The following HSPB8 variants were observed in gnomAD, a reference collection of about 807,000 sequenced individuals.
The protein encoded by HSPB8 is heat shock protein family B (small) member 8.
HSPB8 carries 9 observed loss-of-function variants against 16.5 expected under a neutral mutation model. The observed-to-expected ratio is 0.55, with a 90% CI of 0.33 to 0.95. The LOEUF is 0.95. Among genes scored for constraint, HSPB8 ranks in the 40% least tolerant of loss-of-function variants. The pLI, the probability that HSPB8 is intolerant of heterozygous loss-of-function variation, is 0.03. For missense variants in HSPB8, 238 were observed against 251.2 expected (o/e 0.95, Z 0.35); for synonymous variants, 99 against 94.8 (o/e 1.04, Z -0.26).
intron 2 of HSPB8, among the ~76,000 whole-genome samples, chr12:119,189,341 G>GTGTT (rs1491208967): frequency 6.9e-6 from 1 of 145,746 alleles, no homozygotes; most frequent in African/African-American, 2.5e-5. Context: ...GTGTGTGTGT[G>GTGTT]TATTTCACAT....
intron 2 of HSPB8, among the ~76,000 whole-genome samples, chr12:119,189,902 C>T (rs974917092): frequency 6.6e-6 from 1 of 152,222 alleles, no homozygotes; most frequent in African/African-American, 2.4e-5. Flanking sequence ...GACCCTCCTC[C>T]ATCACTATGA....
chr12:119,193,904 T>A lies in HSPB8; in HGVS notation c.*46T>A, dbSNP rs754501870. The A allele has an allele frequency of 3.1e-6, 5 of 1,591,372 alleles. No individual in the cohort carries two copies. Among genetic ancestry groups the A allele is most frequent in the Non-Finnish European group, 4.3e-6 (5 of 1,160,034 alleles). ...CTTGTTTTGTCCCCAACCCTAGGGC[T>A]TCTCTGATTCCAGGATACATTACTT... is the stretch of plus-strand genomic sequence containing the variant. On this transcript the variant is annotated 3_prime_UTR_variant, in exon 3 of 3. Coordinates refer to ENST00000281938, the MANE Select transcript of HSPB8 (RefSeq NM_014365.3).
chr12:119,190,788 A>G (rs1170170980), intron 2 of HSPB8, among the ~76,000 whole-genome samples: 1 of 152,226 alleles, frequency 6.6e-6, no homozygotes, highest in Non-Finnish European at 1.5e-5. Context: ...TTGCCTGCCT[A>G]AGGGCCTCAG....
chr12:119,191,920 T>C (rs1052124841), intron 2 of HSPB8, among the ~76,000 whole-genome samples: 4 of 152,186 alleles, frequency 2.6e-5, no homozygotes, highest in African/African-American at 7.2e-5. Context: ...TGAGTCTCAA[T>C]TTCCTCATCT....
chr12:119,181,280 C>T (rs1459576112), intron 1 of HSPB8, among the ~76,000 whole-genome samples: 1 of 152,164 alleles, frequency 6.6e-6, no homozygotes, highest in Non-Finnish European at 1.5e-5. Flanking sequence ...TAATTTTATA[C>T]ATTTTAGAGA....
chr12:119,179,713 A>C (rs1834854758), intron 1 of HSPB8, 34 bp downstream of exon 1: 5 of 1,544,834 alleles, frequency 3.2e-6, no homozygotes, highest in Non-Finnish European at 4.3e-6. Context: ...GAGAATGGGG[A>C]GGCCGGGATG....
Position 119,179,476 on chromosome 12 carries a change from G to A in HSPB8, c.164G>A (p.Arg55His), listed in dbSNP as rs752911264. Residue 55 changes from arginine to histidine, a missense_variant, in exon 1 of 3, where the codon CGT becomes CAT. Physicochemically the swap from Arg to His is conservative, Grantham distance 29. Transcript: ENST00000281938. ...TCTTGGCCCGACTGGGCTCTGCCTC[G>A]TCTCTCCTCCGCCTGGCCAGGCACC... ...TASWPDWALP[R>H]LSSAWPGTLR... is the part of the protein sequence containing the mutation. 1.3e-5 allele frequency: 21 copies of A among 1,613,840 alleles called. No homozygotes were observed. The highest frequency in any genetic ancestry group is 1.8e-5 in the Non-Finnish European group (21 of 1,180,016).
At position 119,193,810 on chromosome 12, in the gene HSPB8, T is replaced by C. The variant is rs1592932938; in HGVS notation, c.543T>C (p.Ser181=). The change falls in exon 3 of 3, where the codon AGT becomes AGC. Residue 181 remains serine (S), a synonymous_variant. Coordinates refer to ENST00000281938, the MANE Select transcript of HSPB8 (RefSeq NM_014365.3). ...VPPYSTFGES[S]FNNELPQDSQ... Reference sequence around the variant, plus strand: ...CTTACTCAACATTTGGAGAGAGCAGTTTCAACAACGAGCTTCCCCAGGACA... The same window carrying C: ...CTTACTCAACATTTGGAGAGAGCAGCTTCAACAACGAGCTTCCCCAGGACA... 6.2e-7 allele frequency: 1 copy of C among 1,614,136 alleles called. No individual in the cohort carries two copies.
intron 2 of HSPB8, among the ~76,000 whole-genome samples, chr12:119,192,463 T>G (rs889558382): frequency 6.6e-6 from 1 of 152,156 alleles, no homozygotes; most frequent in African/African-American, 2.4e-5. Context: ...GAGACCAGCC[T>G]GGCCAACATG....
At chr12:119,186,947 G>A in intron 1 of HSPB8, 78 bp from the exon 2 acceptor site, 2 of 1,390,834 alleles carry the variant, frequency 1.4e-6, no homozygotes, top group Non-Finnish European at 2.0e-6. Context: ...CCAGGGCCAG[G>A]ATTTGAACCC....
intron 1 of HSPB8, among the ~76,000 whole-genome samples, chr12:119,179,944 G>A (rs756422987): frequency 3.3e-5 from 5 of 152,314 alleles, no homozygotes; most frequent in Middle Eastern, 3.4e-3. Context: ...TAGAAACCAT[G>A]TTGGATATTT....
chr12:119,188,317 G>A (rs1966544), intron 2 of HSPB8, among the ~76,000 whole-genome samples: 115,632 of 149,332 alleles, frequency 0.77, 45,739 homozygotes, highest in African/African-American at 0.92. Context: ...CACGATGTCA[G>A]CTCACTGCAA....
At chr12:119,180,506 C>G (rs1954629616) in intron 1 of HSPB8, among the ~76,000 whole-genome samples, 1 of 152,140 alleles carries the variant, frequency 6.6e-6, no homozygotes, top group African/African-American at 2.4e-5. Context: ...CATCTTGCAG[C>G]TGAGGAGGCT....
chr12:119,186,707 TACAACACA>T (rs1954678300), intron 1 of HSPB8: 3 of 248,452 alleles, frequency 1.2e-5, no homozygotes, highest in Non-Finnish European at 2.5e-5. Flanking sequence ...GAAGATTTGG[TACAACACA>T]TGGAAGATTT....
chr12:119,187,209 G>A, intron 2 of HSPB8, 121 bp downstream of exon 2: 1 of 783,240 alleles, frequency 1.3e-6, no homozygotes. Flanking sequence ...CTTGGGGCAG[G>A]GAATTGAACC....
At chr12:119,185,748 A>G (rs1954672134) in intron 1 of HSPB8, among the ~76,000 whole-genome samples, 1 of 152,300 alleles carries the variant, frequency 6.6e-6, no homozygotes, top group South Asian at 2.1e-4. Flanking sequence ...TGCAGACATT[A>G]TAAGAGTGAG....
intron 1 of HSPB8, chr12:119,182,735 C>T (rs868210846): frequency 2.0e-5 from 3 of 152,182 alleles, no homozygotes; most frequent in Admixed American, 6.5e-5. Context: ...ATGACAAATC[C>T]GTTCCTCCAC....
chr12:119,179,383 C>G lies in HSPB8; in HGVS notation c.71C>G (p.Ser24Cys). ...CTGCGCCGAGACCCCTTCCGGGACT[C>G]TCCCCTCTCCTCTCGCCTGCTGGAT... ...SRLRRDPFRD[S>C]PLSSRLLDDG... The change falls in exon 1 of 3, where the codon TCT (serine) becomes TGT (cysteine). Residue 24 changes from serine (S) to cysteine (C), a missense_variant. Transcript: ENST00000281938. 1 of 1,614,158 alleles carries G rather than the reference C, an allele frequency of 6.2e-7. No homozygotes were observed. The highest frequency in any genetic ancestry group is 1.1e-5 in the South Asian group (1 of 91,078).
rs141706648 is a variant in HSPB8 at position 119,184,304 on chromosome 12, G to A, written c.368-2721G>A. ...TGCAAAAATTAAAGGAGTTGATACA[G>A]ATAAGGTGCTTAGAACAGTGGCTGA... On this transcript the variant is annotated intron_variant, in intron 1 of 2. Transcript: ENST00000281938. 7.9e-4 allele frequency among the ~76,000 whole-genome samples: 120 copies of A among 152,364 alleles called. 2 individuals are homozygous for A. The East Asian group carries it at 0.017, about 21-fold the overall frequency.
Sources: gnomAD v4.1 joint callset for allele counts (sites outside exome capture counted in the v4.1 genomes callset) on GRCh38, gnomAD v4.1.1 for gene constraint, MANE v1.5 for transcripts, NCBI Gene and HGNC (gene_info 2026-07-23, HGNC 2026-07-21) for gene names.